Variants in FKBP6 observed in about 807,000 individuals in gnomAD.
FKBP6 encodes the protein inactive peptidyl-prolyl cis-trans isomerase FKBP6.
In FKBP6, 29 loss-of-function variants were observed where a neutral mutation model predicts 41.7. The ratio of observed to expected loss-of-function variants is 0.70; its 90% CI spans 0.52 to 0.95. The LOEUF (loss-of-function observed/expected upper bound fraction) is 0.95. FKBP6 is among the 40% of genes least tolerant of loss of function. The pLI is 0.00. For synonymous variants in FKBP6, 130 were observed against 165.1 expected, an observed-to-expected ratio of 0.79 and a Z score of 1.63; for missense variants, 338 against 408.7, an observed-to-expected ratio of 0.83 and a Z score of 1.49.
At position 73,340,664 on chromosome 7, in the gene FKBP6, A is replaced by G. The variant is rs1271154437; in HGVS notation, c.615A>G (p.Ser205=). 3.7e-6 allele frequency: 6 copies of G among 1,613,614 alleles called. No individual in the cohort carries two copies. The highest frequency in any genetic ancestry group is 5.1e-6 in the Non-Finnish European group (6 of 1,179,992). ...CCCTATTGCTTCTGCGCCGGCGATC[A>G]GCACCCCCTGAAGAGCAGCACCTGG... ...KRALLLLRRR[S]APPEEQHLVE... The change falls in exon 6 of 9, where the codon TCA becomes TCG. Residue 205 remains serine (S), a synonymous_variant. Coordinates refer to ENST00000252037, the MANE Select transcript of FKBP6 (RefSeq NM_003602.5).
At chr7:73,329,657 T>C (rs1804771606) in intron 3 of FKBP6, 2 of 609,074 alleles carry the variant, frequency 3.3e-6, no homozygotes, top group African/African-American at 3.7e-5. Context: ...CTTTGCACTC[T>C]GACTTAACTA....
At chr7:73,329,476 G>A (rs371260795) in intron 3 of FKBP6, 27 bp downstream of exon 3, 63 of 1,376,654 alleles carry the variant, frequency 4.6e-5, no homozygotes, top group Middle Eastern at 3.6e-4. Context: ...AGCTGGAGAA[G>A]AAGGAATTGT....
At chr7:73,350,488 G>A (rs906561042) in intron 8 of FKBP6, among the ~76,000 whole-genome samples, 5 of 152,030 alleles carry the variant, frequency 3.3e-5, no homozygotes, top group Admixed American at 1.3e-4. Flanking sequence ...GCGTGACCCC[G>A]AAGCGGCCAT....
At chr7:73,341,242 C>A in intron 6 of FKBP6, 31 bp from the exon 7 acceptor site, 1 of 1,434,128 alleles carries the variant, frequency 7.0e-7, no homozygotes, top group Non-Finnish European at 9.8e-7. Flanking sequence ...TCTTTTCTAA[C>A]TGTGCTTTTA....
intron 7 of FKBP6, 117 bp downstream of exon 7, chr7:73,341,499 C>T (rs1356448352): frequency 3.9e-6 from 3 of 766,422 alleles, no homozygotes; most frequent in South Asian, 1.4e-5. Context: ...GTTAGGAGGC[C>T]GCCCCCTCTA....
intron 5 of FKBP6, among the ~76,000 whole-genome samples, chr7:73,332,952 TTC>T (rs1329084388): frequency 4.9e-4 from 75 of 152,308 alleles, no homozygotes; most frequent in African/African-American, 1.8e-3. Flanking sequence ...CTGAGCTGTT[TTC>T]TGTTTCCTTT....
intron 4 of FKBP6, among the ~76,000 whole-genome samples, chr7:73,331,207 G>A (rs977318297): frequency 3.9e-5 from 6 of 152,198 alleles, no homozygotes. Context: ...AAGACTGCCA[G>A]GGCCCTGAGC....
At chr7:73,329,646 T>C (rs1554547230) in intron 3 of FKBP6, 197 bp downstream of exon 3, 3 of 617,142 alleles carry the variant, frequency 4.9e-6, no homozygotes, top group Non-Finnish European at 8.7e-6. Context: ...CAAGGTATAA[T>C]CTTTGCACTC....
intron 8 of FKBP6, among the ~76,000 whole-genome samples, chr7:73,356,640 AAACACCTT>A (rs1805639479): frequency 2.0e-5 from 3 of 152,350 alleles, no homozygotes; most frequent in Admixed American, 2.0e-4. Flanking sequence ...CTCTATAACC[AAACACCTT>A]TCTGATGTTT....
chr7:73,340,426 A>C (rs1554549248), intron 5 of FKBP6, among the ~76,000 whole-genome samples: 1 of 152,222 alleles, frequency 6.6e-6, no homozygotes, highest in Non-Finnish European at 1.5e-5. Flanking sequence ...CGGAGGTTGC[A>C]GTGAGCTGAG....
intron 5 of FKBP6, among the ~76,000 whole-genome samples, chr7:73,333,696 C>G (rs924972455): frequency 1.3e-5 from 2 of 152,210 alleles, no homozygotes; most frequent in Non-Finnish European, 2.9e-5. Flanking sequence ...TCTCAACTTA[C>G]TCCTTTGTTT....
At chr7:73,357,963 G>C (rs887552442) in intron 8 of FKBP6, among the ~76,000 whole-genome samples, 4 of 150,810 alleles carry the variant, frequency 2.7e-5, no homozygotes, top group Non-Finnish European at 5.9e-5. Context: ...ACTCCAGCTG[G>C]GTGACAGAGT....
intron 5 of FKBP6, among the ~76,000 whole-genome samples, chr7:73,334,506 A>G (rs1441399472): frequency 6.6e-6 from 1 of 150,576 alleles, no homozygotes; most frequent in African/African-American, 2.4e-5. Flanking sequence ...CTGGGGGGCC[A>G]GGCACAGTGA....
At position 73,330,281 on chromosome 7, in the gene FKBP6, G is replaced by A; in HGVS notation, c.397G>A (p.Val133Ile). 1 of 1,614,178 alleles carries A rather than the reference G, an allele frequency of 6.2e-7. No homozygotes were observed. The highest frequency in any genetic ancestry group is 8.5e-7 in the Non-Finnish European group (1 of 1,180,024). The part of the protein sequence containing the change: ...CPPLIPPNTT[V>I]LFEIELLDFL... The stretch of plus-strand genomic sequence containing the variant: ...TCCCTTGATCCCCCCAAACACCACT[G>A]TCCTGTTTGAGATTGAGCTGCTTGA... The change falls in exon 4 of 9, where the codon GTC (valine) becomes ATC (isoleucine). Residue 133 changes from valine (V) to isoleucine (I), a missense_variant. Around this residue, in one of 2 missense-constraint regions of FKBP6, gnomAD observed 239 missense variants for 250.1 expected, o/e 0.96. Coordinates refer to ENST00000252037, the MANE Select transcript of FKBP6 (RefSeq NM_003602.5).
intron 8 of FKBP6, among the ~76,000 whole-genome samples, chr7:73,349,455 G>A (rs1337607181): frequency 6.7e-6 from 1 of 149,252 alleles, no homozygotes; most frequent in Non-Finnish European, 1.5e-5. Context: ...TGTAATCCCA[G>A]CACTTTGGGA....
intron 8 of FKBP6, among the ~76,000 whole-genome samples, chr7:73,351,162 G>C (rs7783232): frequency 0.12 from 18,979 of 151,920 alleles, 1,308 homozygotes; most frequent in Middle Eastern, 0.18. Context: ...TCACTGCAAC[G>C]TTCGCCACAG....
chr7:73,355,165 G>T (rs1377008824), intron 8 of FKBP6, among the ~76,000 whole-genome samples: 1 of 152,226 alleles, frequency 6.6e-6, no homozygotes, highest in East Asian at 1.9e-4. Context: ...GGGCCCACCC[G>T]CCGTGGAAGC....
At chr7:73,349,125 G>T (rs1235970279) in intron 8 of FKBP6, among the ~76,000 whole-genome samples, 1 of 151,760 alleles carries the variant, frequency 6.6e-6, no homozygotes, top group Non-Finnish European at 1.5e-5. Flanking sequence ...ATTTAAAAAG[G>T]GTGGCCAGGT....
chr7:73,337,557 G>C (rs182283540), intron 5 of FKBP6, among the ~76,000 whole-genome samples: 5 of 151,846 alleles, frequency 3.3e-5, no homozygotes, highest in African/African-American at 4.8e-5. Flanking sequence ...CAGGTGATCC[G>C]CCCGCCTCGG....
Sources: allele counts gnomAD v4.1 joint callset (sites outside exome capture counted in the v4.1 genomes callset), GRCh38; gene constraint gnomAD v4.1.1; regional missense constraint gnomAD v4.1.1; transcripts MANE v1.5; gene names NCBI Gene and HGNC (gene_info 2026-07-23, HGNC 2026-07-21).